Variants in UNC80 observed in about 807,000 individuals in gnomAD.
The protein encoded by UNC80 is unc-80 subunit of NALCN channel complex, also known as protein unc-80 homolog.
Under a neutral mutation model 384.6 loss-of-function variants are expected in UNC80, and 164 were observed. The observed-to-expected ratio is 0.43, with a 90% confidence interval of 0.38 to 0.49. UNC80 has a LOEUF of 0.49. Ranked by LOEUF, UNC80 falls within the 20% of genes least tolerant of loss-of-function variation. The probability of loss-of-function intolerance (pLI) is 0.00; values close to 1 mark genes in which losing one functional copy is unlikely to be tolerated. For synonymous variants in UNC80, 1,486 were observed against 1,527.8 expected, an observed-to-expected ratio of 0.97 and a Z score of 0.64; for missense variants, 3,330 against 4,143.0, an observed-to-expected ratio of 0.80 and a Z score of 5.39.
At chr2:209,817,367 C>G (rs1344216951) in intron 10 of UNC80, among the ~76,000 whole-genome samples, 4 of 151,976 alleles carry the variant, frequency 2.6e-5, no homozygotes, top group Non-Finnish European at 5.9e-5. Context: ...TTTCTTAGAT[C>G]ATTCTAGACA....
At chr2:209,860,550 T>G (rs1333081763) in intron 22 of UNC80, among the ~76,000 whole-genome samples, 2 of 152,214 alleles carry the variant, frequency 1.3e-5, no homozygotes, top group African/African-American at 4.8e-5. Flanking sequence ...TGATTCCACA[T>G]AAAATTTAGA....
intron 12 of UNC80, 71 bp downstream of exon 12, chr2:209,819,332 T>C (rs2079976657): frequency 7.0e-7 from 1 of 1,420,338 alleles, no homozygotes; most frequent in East Asian, 2.5e-5. Flanking sequence ...TGCAATGTTA[T>C]ATAAAATGGG....
At chr2:209,778,481 A>T (rs1454920414) in intron 4 of UNC80, among the ~76,000 whole-genome samples, 1 of 152,212 alleles carries the variant, frequency 6.6e-6, no homozygotes, top group Non-Finnish European at 1.5e-5. Context: ...ATTGCTTTTT[A>T]AAATATTTTT....
rs921129586 is a variant in UNC80 at position 209,872,714 on chromosome 2, G to T, written c.3628-44G>T. ...CCTTTAAGACCAATTTAAAGTTATT[G>T]TTCATTAATCCCACATTATTCTTTC... On this transcript the variant is annotated intron_variant, in intron 22 of 64. Transcript: ENST00000673920. This position sits in a 1 kb window ranked among gnomAD's most constrained non-coding sequence, Gnocchi z 4.1. The T allele has an allele frequency of 1.2e-5, 17 of 1,477,248 alleles. No individual in the cohort carries two copies. The Admixed American group carries it at 1.2e-4, about 10-fold the overall frequency. The allele number at this position is 1,477,248 out of a possible 1,614,324, so 91.5% of individuals were successfully genotyped here. A position where few individuals can be genotyped will look rare whatever the true frequency, so the allele number is the denominator to read the frequency against.
intron 25 of UNC80, among the ~76,000 whole-genome samples, chr2:209,882,361 C>T (rs142893855): frequency 3.9e-5 from 6 of 152,186 alleles, no homozygotes; most frequent in East Asian, 1.9e-4. Flanking sequence ...ATGGGGGTTC[C>T]GGTGTCACTG....
chr2:209,935,751 C>T lies in UNC80; in HGVS notation c.6216C>T (p.Cys2072=), dbSNP rs540644856. Residue 2072 remains cysteine, a synonymous_variant, in exon 40 of 65, where the codon TGC becomes TGT. Coordinates refer to ENST00000673920, the MANE Select transcript of UNC80 (RefSeq NM_001371986.1). ...TGGTAGTTCATGGACAGAATGAGTG[C>T]GATATCCCAACCCAGTTACCAGTCC... is the stretch of plus-strand genomic sequence containing the variant. ...KTLVVHGQNE[C]DIPTQLPVHE... is the part of the protein sequence containing the mutation. The T allele has an allele frequency of 4.3e-5, 66 of 1,538,302 alleles. No individual in the cohort carries two copies. The highest frequency in any genetic ancestry group is 1.3e-4 in the East Asian group (5 of 39,824).
chr2:209,840,864 A>C (rs2081687320), intron 20 of UNC80, among the ~76,000 whole-genome samples: 2 of 152,242 alleles, frequency 1.3e-5, no homozygotes, highest in African/African-American at 2.4e-5. Flanking sequence ...TGGTCAAAAA[A>C]TTATATAAAA....
intron 64 of UNC80, among the ~76,000 whole-genome samples, chr2:209,994,773 G>T: frequency 6.6e-6 from 1 of 152,060 alleles, no homozygotes; most frequent in East Asian, 1.9e-4. Flanking sequence ...TTCAGATAAA[G>T]GATAGCTGAA....
At chr2:209,862,649 C>CTTTTTTTTTTTTTT (rs71043955) in intron 22 of UNC80, among the ~76,000 whole-genome samples, 29 of 78,794 alleles carry the variant, frequency 3.7e-4, no homozygotes, top group African/African-American at 6.1e-4. Flanking sequence ...GCAACCTCTG[C>CTTTTTTTTTTTTTT]TTTTTTTTTT....
chr2:209,801,870 T>G (rs1336058955), intron 7 of UNC80, among the ~76,000 whole-genome samples: 1 of 152,098 alleles, frequency 6.6e-6, no homozygotes, highest in Non-Finnish European at 1.5e-5. Flanking sequence ...ACTACTATCT[T>G]GCGCTTTAAA....
rs1332949298 is a variant in UNC80 at position 209,937,511 on chromosome 2, T to C, written c.6364-18T>C. On this transcript the variant is annotated intron_variant, in intron 41 of 64. Transcript: ENST00000673920. ...TCTTTTGAACTCTTTTTTTTGTCTC[T>C]TTATGTAATCCACACAGACCTATGT... is the stretch of plus-strand genomic sequence containing the variant. 3.3e-6 allele frequency: 5 copies of C among 1,519,408 alleles called. No homozygotes were observed. In the African/African-American group the frequency reaches 6.9e-5, roughly 21 times the overall value. 94.1% of individuals were successfully genotyped at this position (1,519,408 alleles called of 1,614,324 possible).
chr2:209,806,080 A>C, intron 7 of UNC80, among the ~76,000 whole-genome samples: 1 of 152,222 alleles, frequency 6.6e-6, no homozygotes, highest in East Asian at 1.9e-4. Flanking sequence ...AGAGTAAGTA[A>C]TCTTTTACTT....
rs760837034 is a variant in UNC80, at chr2:209,775,848, G to C, written c.142-41G>C. ...CAATTTCTTAGTTTACGTGGTTTTGGATTTTGGCTTTTCTTATTGTTTTTG... is the reference window on the plus strand; with the variant it reads ...CAATTTCTTAGTTTACGTGGTTTTGCATTTTGGCTTTTCTTATTGTTTTTG... On this transcript the variant is annotated intron_variant, in intron 2 of 64. Transcript: ENST00000673920. The C allele has an allele frequency of 3.8e-6, 6 of 1,596,186 alleles. No homozygotes were observed. In the South Asian group the frequency reaches 6.7e-5, roughly 18 times the overall value.
chr2:209,912,749 A>G, intron 30 of UNC80, 82 bp downstream of exon 30: 1 of 925,984 alleles, frequency 1.1e-6, no homozygotes, highest in Non-Finnish European at 1.6e-6. Context: ...AATGTTTGGG[A>G]CATACAACAT....
chr2:209,839,578 C>T lies in UNC80; in HGVS notation c.3250+148C>T, dbSNP rs2081591407. The T allele has an allele frequency of 3.5e-6, 3 of 859,388 alleles. No homozygotes were observed. The highest frequency in any genetic ancestry group is 5.3e-6 in the Non-Finnish European group (3 of 561,890). The allele number at this position is 859,388 out of a possible 1,614,324, so 53.2% of individuals were successfully genotyped here. On this transcript the variant is annotated intron_variant, in intron 19 of 64. Coordinates refer to ENST00000673920, the MANE Select transcript of UNC80 (RefSeq NM_001371986.1). The surrounding 1 kb of genome is among the most constrained non-coding windows in gnomAD (Gnocchi z 4.1). ...TCATTCATTCATTCATTTAATTTTT[C>T]CCACAGTATTTTTCAATACCCTACT...
At chr2:209,826,165 AG>A (rs1230570627) in intron 14 of UNC80, 112 bp downstream of exon 14, 1 of 1,214,344 alleles carries the variant, frequency 8.2e-7, no homozygotes, top group African/African-American at 1.6e-5. Context: ...TGTATTTTGT[AG>A]GAATAATTAA....
chr2:209,954,143 C>G lies in UNC80; in HGVS notation c.7330C>G (p.Leu2444Val). The G allele has an allele frequency of 1.9e-6, 3 of 1,550,894 alleles. No homozygotes were observed. The highest frequency in any genetic ancestry group is 2.6e-6 in the Non-Finnish European group (3 of 1,146,894). ...MVLEALVPCY[L>V]QKLKRQTSQV... ...CTTAGAAGCCTTAGTTCCATGTTAC[C>G]TACAAAAGCTAAAGAGGCAGACATC... is the stretch of plus-strand genomic sequence containing the variant. Residue 2444 changes from leucine to valine, a missense_variant, in exon 48 of 65, where the codon CTA becomes GTA. This residue lies in a region of UNC80 where 1,049 missense variants were observed against 1,488.6 expected (regional missense o/e 0.70). Coordinates refer to ENST00000673920, the MANE Select transcript of UNC80 (RefSeq NM_001371986.1).
At chr2:209,882,788 C>A (rs950438534) in intron 25 of UNC80, among the ~76,000 whole-genome samples, 2 of 152,166 alleles carry the variant, frequency 1.3e-5, no homozygotes, top group East Asian at 3.9e-4. Context: ...CCATTTTGAT[C>A]CACTGTAATA....
chr2:209,917,777 C>T lies in UNC80; in HGVS notation c.5030C>T (p.Ala1677Val). 6.4e-7 allele frequency: 1 copy of T among 1,551,958 alleles called. No homozygotes were observed. The highest frequency in any genetic ancestry group is 8.7e-7 in the Non-Finnish European group (1 of 1,147,000). ...CTGATGAATTGTTGACTGTCTCTAG[C>T]TGCCATGTTCCTGCTGTGTGCAGTG... ...SMDEHMAGAA[A>V]AMFLLCAVKV... The change falls in exon 32 of 65, where the codon GCT (alanine) becomes GTT (valine). Residue 1677 changes from alanine to valine, a missense_variant and splice_region_variant. Ala to Val is a moderately conservative substitution (Grantham distance 64, BLOSUM62 0). Around this residue, in one of 8 missense-constraint regions of UNC80, gnomAD observed 801 missense variants for 950.8 expected, o/e 0.84. Coordinates refer to ENST00000673920, the MANE Select transcript of UNC80 (RefSeq NM_001371986.1).
Sources: allele counts gnomAD v4.1 joint callset (sites outside exome capture counted in the v4.1 genomes callset), GRCh38; gene constraint gnomAD v4.1.1; regional missense constraint gnomAD v4.1.1; non-coding constraint Gnocchi (gnomAD v3.1); transcripts MANE v1.5; gene names NCBI Gene and HGNC (gene_info 2026-07-23, HGNC 2026-07-21).